HS3ST3A1: variants seen among roughly 807,000 people sequenced by gnomAD.
HS3ST3A1 encodes the protein heparan sulfate-glucosamine 3-sulfotransferase 3A1.
Under a neutral mutation model 25.7 loss-of-function variants are expected in HS3ST3A1, and 19 were observed. The ratio of observed to expected loss-of-function variants is 0.74; its 90% CI spans 0.52 to 1.08. The LOEUF (loss-of-function observed/expected upper bound fraction) is 1.08, where lower values mean the gene tolerates loss of function less well. Ranked by LOEUF, HS3ST3A1 falls within the 50% of genes least tolerant of loss-of-function variation. HS3ST3A1 has a pLI of 0.00. For missense variants in HS3ST3A1, 459 were observed against 594.3 expected (o/e 0.77, Z 2.37); for synonymous variants, 226 against 278.6 (o/e 0.81, Z 1.88).
chr17:13,505,474 G>T (rs1598407805), intron 1 of HS3ST3A1, among the ~76,000 whole-genome samples: 1 of 152,190 alleles, frequency 6.6e-6, no homozygotes, highest in Non-Finnish European at 1.5e-5. Flanking sequence ...GACTGCAGGT[G>T]GTTTAATACT....
chr17:13,520,411 A>G (rs2142317551), intron 1 of HS3ST3A1, among the ~76,000 whole-genome samples: 1 of 152,316 alleles, frequency 6.6e-6, no homozygotes, highest in African/African-American at 2.4e-5. Flanking sequence ...CCTACTGCAC[A>G]TTCGGATATT....
chr17:13,574,099 CAATT>C (rs1366285251), intron 1 of HS3ST3A1, among the ~76,000 whole-genome samples: 1 of 150,338 alleles, frequency 6.7e-6, no homozygotes, highest in Non-Finnish European at 1.5e-5. Context: ...TCCTTGTGCT[CAATT>C]AATTCAGTAT....
chr17:13,586,038 G>T (rs1178362694), intron 1 of HS3ST3A1, among the ~76,000 whole-genome samples: 1 of 151,370 alleles, frequency 6.6e-6, no homozygotes, highest in African/African-American at 2.4e-5. Context: ...TAGTAGAGAC[G>T]GGGTTTCACC....
chr17:13,526,474 T>TATTTATA (rs1906425775), intron 1 of HS3ST3A1, among the ~76,000 whole-genome samples: 3 of 76,280 alleles, frequency 3.9e-5, no homozygotes, highest in Non-Finnish European at 7.4e-5. Flanking sequence ...ACTTTAATTT[T>TATTTATA]TATATATATA....
intron 1 of HS3ST3A1, among the ~76,000 whole-genome samples, chr17:13,577,313 G>A (rs1398109827): frequency 1.5e-4 from 23 of 152,164 alleles, no homozygotes; most frequent in Admixed American, 1.4e-3. Flanking sequence ...CCCTGAGTCT[G>A]CCTGGCCAGG....
chr17:13,500,335 T>C (rs1482243112), intron 1 of HS3ST3A1, among the ~76,000 whole-genome samples: 1 of 152,198 alleles, frequency 6.6e-6, no homozygotes, highest in Non-Finnish European at 1.5e-5. Context: ...CCTAACACTT[T>C]TAATGGCAAA....
intron 1 of HS3ST3A1, among the ~76,000 whole-genome samples, chr17:13,512,907 C>T (rs982167428): frequency 6.6e-6 from 1 of 152,148 alleles, no homozygotes; most frequent in Middle Eastern, 3.4e-3. Flanking sequence ...TGGTCATTTG[C>T]CAACTTTCAG....
At position 13,496,015 on chromosome 17, in the gene HS3ST3A1, G is replaced by A. The variant is rs1204752479; in HGVS notation, c.*182C>T. The A allele has an allele frequency of 7.1e-6, 5 of 700,978 alleles. No homozygotes were observed. The highest frequency in any genetic ancestry group is 8.7e-6 in the Non-Finnish European group (4 of 460,928). 43.4% of individuals were successfully genotyped at this position (700,978 alleles called of 1,614,324 possible). A position where few individuals can be genotyped will look rare whatever the true frequency, so the allele number is the denominator to read the frequency against. ...ACGAGTGAAATTTTCCTTTTCTGTT[G>A]ATCCACGTGTTTGGTGTTGGTTATA... On this transcript the variant is annotated 3_prime_UTR_variant, in exon 2 of 2. Coordinates refer to ENST00000284110, the MANE Select transcript of HS3ST3A1 (RefSeq NM_006042.3).
intron 1 of HS3ST3A1, among the ~76,000 whole-genome samples, chr17:13,584,670 A>G (rs1187235158): frequency 6.6e-6 from 1 of 152,224 alleles, no homozygotes; most frequent in African/African-American, 2.4e-5. Context: ...AAGCAAACAC[A>G]TAAACACAGA....
rs1262258535 is a variant in HS3ST3A1, at chr17:13,596,379, C to T, written c.599+4152G>A. Among the ~76,000 whole-genome samples the T allele has an allele frequency of 4.7e-5, 7 of 150,236 alleles. No individual in the cohort carries two copies. In the South Asian group the frequency reaches 6.6e-4, roughly 14 times the overall value. ...AATTCCATCATTGTCCCTGCCTTCT[C>T]GGTGTCTGCTCCCGCATGTGTGAGG... On this transcript the variant is annotated intron_variant, in intron 1 of 1. Transcript: ENST00000284110.
At chr17:13,532,901 T>TA (rs1567616318) in intron 1 of HS3ST3A1, among the ~76,000 whole-genome samples, 17 of 83,234 alleles carry the variant, frequency 2.0e-4, no homozygotes, top group African/African-American at 1.1e-3. Flanking sequence ...GTGTATATGT[T>TA]TATATACACA....
At chr17:13,576,187 C>T (rs539786474) in intron 1 of HS3ST3A1, among the ~76,000 whole-genome samples, 35 of 152,330 alleles carry the variant, frequency 2.3e-4, no homozygotes, top group Non-Finnish European at 4.0e-4. Context: ...AAATAACAAA[C>T]ATTGATTATC....
chr17:13,600,429 TGGG>T (rs1908688112), intron 1 of HS3ST3A1, 99 bp downstream of exon 1: 8 of 1,418,228 alleles, frequency 5.6e-6, no homozygotes, highest in Admixed American at 2.9e-5. Flanking sequence ...CTGCATGAAG[TGGG>T]GAGGAGGGCG....
chr17:13,584,423 CA>C (rs755207452), intron 1 of HS3ST3A1, among the ~76,000 whole-genome samples: 16,838 of 99,844 alleles, frequency 0.17, 1,167 homozygotes, highest in African/African-American at 0.18. Context: ...CTGCAATTTC[CA>C]AAAAAAAAAA....
chr17:13,531,559 C>A (rs1598416436), intron 1 of HS3ST3A1, among the ~76,000 whole-genome samples: 1 of 150,640 alleles, frequency 6.6e-6, no homozygotes, highest in East Asian at 2.0e-4. Context: ...CAGTTCCCAG[C>A]ATCTTTGTTT....
Position 13,562,280 on chromosome 17 carries a change from G to C in HS3ST3A1, c.599+38251C>G, listed in dbSNP as rs543348161. Reference sequence around the variant, plus strand: ...AGGAGATGAGTCAGACACAGTCATGGTCTGGAGGAGTCCAGGATCGCTCAT... The same window carrying C: ...AGGAGATGAGTCAGACACAGTCATGCTCTGGAGGAGTCCAGGATCGCTCAT... On this transcript the variant is annotated intron_variant, in intron 1 of 1. Coordinates refer to ENST00000284110, the MANE Select transcript of HS3ST3A1 (RefSeq NM_006042.3). Among the ~76,000 whole-genome samples, 35 of 152,232 alleles carry C rather than the reference G, an allele frequency of 2.3e-4. No individual in the cohort carries two copies. The South Asian group carries it at 7.1e-3, about 31-fold the overall frequency.
chr17:13,535,203 A>G (rs1402084888), intron 1 of HS3ST3A1, among the ~76,000 whole-genome samples: 4 of 152,226 alleles, frequency 2.6e-5, no homozygotes, highest in African/African-American at 7.2e-5. Context: ...TATTTAATAT[A>G]TAGTTGATGC....
intron 1 of HS3ST3A1, among the ~76,000 whole-genome samples, chr17:13,525,214 T>G (rs1906372240): frequency 6.6e-6 from 1 of 152,200 alleles, no homozygotes; most frequent in South Asian, 2.1e-4. Flanking sequence ...ATTCCTCCTA[T>G]TATGATGTAA....
intron 1 of HS3ST3A1, among the ~76,000 whole-genome samples, chr17:13,498,920 C>T (rs1191667054): frequency 6.6e-6 from 1 of 151,012 alleles, no homozygotes; most frequent in African/African-American, 2.4e-5. Flanking sequence ...TCCCTTAGCC[C>T]ATACTCAGAT....
Sources: allele counts gnomAD v4.1 joint callset (sites outside exome capture counted in the v4.1 genomes callset), GRCh38; gene constraint gnomAD v4.1.1; transcripts MANE v1.5; gene names NCBI Gene and HGNC (gene_info 2026-07-23, HGNC 2026-07-21).